The following TFDP1 variants were observed in gnomAD, a reference collection of about 807,000 sequenced individuals.
TFDP1 encodes the protein DRTF1-polypeptide 1.
A neutral mutation model predicts 48.0 loss-of-function variants in TFDP1; 6 were observed. The observed-to-expected ratio is 0.13, with a 90% CI of 0.07 to 0.25. The LOEUF is 0.25. Ranked by LOEUF, TFDP1 falls within the 10% of genes least tolerant of loss-of-function variation. TFDP1 has a pLI of 1.00. For synonymous variants in TFDP1, 201 were observed against 211.6 expected (o/e 0.95, Z 0.44); for missense variants, 335 against 543.0 (o/e 0.62, Z 3.81).
chr13:113,621,145 G>A (rs138258727), intron 3 of TFDP1, among the ~76,000 whole-genome samples: 12 of 152,376 alleles, frequency 7.9e-5, no homozygotes, highest in Admixed American at 6.5e-4. Flanking sequence ...TCATTTTGGT[G>A]CTAACTGGTG....
In TFDP1 at chr13:113,604,281, C is replaced by T. The variant is rs117603964; in HGVS notation, c.13-6715C>T. Among the ~76,000 whole-genome samples the T allele has an allele frequency of 9.9e-4, 150 of 152,190 alleles. 4 individuals carry two copies. The East Asian group carries it at 0.024, about 25-fold the overall frequency. On this transcript the variant is annotated intron_variant, in intron 2 of 11. Coordinates refer to ENST00000375370, the MANE Select transcript of TFDP1 (RefSeq NM_007111.5). The stretch of plus-strand genomic sequence containing the variant: ...AGGACCCACATGAGGGTCTTTCCTA[C>T]AGCTCCTTACATGCTCAAGCTGGTA...
At chr13:113,626,699 G>A (rs977823266) in intron 4 of TFDP1, among the ~76,000 whole-genome samples, 6 of 151,908 alleles carry the variant, frequency 3.9e-5, no homozygotes, top group East Asian at 1.9e-4. Flanking sequence ...CACGTCATAC[G>A]GCTTTTCAAC....
At chr13:113,586,366 T>C (rs929605186) in intron 2 of TFDP1, among the ~76,000 whole-genome samples, 4 of 152,222 alleles carry the variant, frequency 2.6e-5, no homozygotes, top group Non-Finnish European at 5.9e-5. Context: ...AAGGATGAGA[T>C]TTCCTGATTT....
At chr13:113,611,947 G>A (rs1321391558) in intron 3 of TFDP1, among the ~76,000 whole-genome samples, 2 of 152,214 alleles carry the variant, frequency 1.3e-5, no homozygotes. Flanking sequence ...CCAGGGAGGA[G>A]CCCAGAGGCC....
chr13:113,610,954 T>G lies in TFDP1; in HGVS notation c.13-42T>G, dbSNP rs370492978. 1.3e-5 allele frequency: 21 copies of G among 1,597,292 alleles called. No individual in the cohort carries two copies. The African/African-American group carries it at 2.5e-4, about 19-fold the overall frequency. On this transcript the variant is annotated intron_variant, in intron 2 of 11. Coordinates refer to ENST00000375370, the MANE Select transcript of TFDP1 (RefSeq NM_007111.5). ...TTAAACACCCCTAGTTTCGTAGCCC[T>G]TTTAGCTGTCATATTTATTATTGTT...
At position 113,611,042 on chromosome 13, in the gene TFDP1, A is replaced by G. The variant is rs772064296; in HGVS notation, c.59A>G (p.Gln20Arg). 8 of 1,614,080 alleles carry G rather than the reference A, an allele frequency of 5.0e-6. No homozygotes were observed. In the East Asian group the frequency reaches 1.1e-4, roughly 22 times the overall value. The change falls in exon 3 of 12, where the codon CAG (glutamine) becomes CGG (arginine). Residue 20 changes from glutamine (Q) to arginine (R), a missense_variant. Gln to Arg is a conservative substitution (Grantham distance 43, BLOSUM62 1). Transcript: ENST00000375370. ...GGAGAACTCAAGGTCTTCATAGACC[A>G]GAACCTTAGTCCCGGGAAAGGTAAG... is the stretch of plus-strand genomic sequence containing the variant. ...ANGELKVFIDQNLSPGKGVVS... is the reference protein window; with the variant it reads ...ANGELKVFIDRNLSPGKGVVS...
chr13:113,608,425 C>T (rs2048622411), intron 2 of TFDP1, among the ~76,000 whole-genome samples: 1 of 152,232 alleles, frequency 6.6e-6, no homozygotes, highest in Non-Finnish European at 1.5e-5. Flanking sequence ...AGAGCCCTGG[C>T]TGTGCAGGCG....
At chr13:113,609,916 C>T (rs760027282) in intron 2 of TFDP1, among the ~76,000 whole-genome samples, 1 of 152,246 alleles carries the variant, frequency 6.6e-6, no homozygotes, top group Non-Finnish European at 1.5e-5. Context: ...ACGCCACTCC[C>T]AGAGGCCGCC....
Position 113,585,863 on chromosome 13 carries a change from C to T in TFDP1, c.12+14C>T, listed in dbSNP as rs1447302683. On this transcript the variant is annotated intron_variant, in intron 2 of 11. Transcript: ENST00000375370. ...ATGGCAAAAGATGTAAGTATGTTTGCTTCATGCTGCACACGAATGTTTGCC... is the reference window on the plus strand; with the variant it reads ...ATGGCAAAAGATGTAAGTATGTTTGTTTCATGCTGCACACGAATGTTTGCC... 10 of 1,599,826 alleles carry T rather than the reference C, an allele frequency of 6.3e-6. No homozygotes were observed. Among genetic ancestry groups the T allele is most frequent in the Non-Finnish European group, 7.7e-6 (9 of 1,169,394 alleles).
chr13:113,616,453 T>C (rs1177892550), intron 3 of TFDP1, among the ~76,000 whole-genome samples: 2 of 152,196 alleles, frequency 1.3e-5, no homozygotes, highest in African/African-American at 4.8e-5. Context: ...AGATCATGGC[T>C]GTGTGCAGTG....
At chr13:113,586,878 G>A (rs1055978130) in intron 2 of TFDP1, among the ~76,000 whole-genome samples, 1 of 152,340 alleles carries the variant, frequency 6.6e-6, no homozygotes, top group South Asian at 2.1e-4. Flanking sequence ...GCTGTGCTGC[G>A]AGACTACTTT....
intron 2 of TFDP1, among the ~76,000 whole-genome samples, chr13:113,602,769 C>A (rs2048470934): frequency 6.6e-6 from 1 of 152,140 alleles, no homozygotes; most frequent in African/African-American, 2.4e-5. Context: ...GTCCCTCTCT[C>A]CAGCCCTGCC....
intron 3 of TFDP1, among the ~76,000 whole-genome samples, chr13:113,615,149 A>G (rs1326344335): frequency 6.6e-6 from 1 of 152,130 alleles, no homozygotes; most frequent in African/African-American, 2.4e-5. Context: ...AGGTTTGGCA[A>G]TACATCTTAC....
chr13:113,591,300 C>T (rs2048140014), intron 2 of TFDP1, among the ~76,000 whole-genome samples: 1 of 148,240 alleles, frequency 6.7e-6, no homozygotes, highest in Admixed American at 6.7e-5. Context: ...GAGATCACGC[C>T]ATTGCACTCC....
chr13:113,635,965 T>TAA lies in TFDP1; in HGVS notation c.688-11_688-10insAA. On this transcript the variant is annotated splice_polypyrimidine_tract_variant and intron_variant, in intron 8 of 11. Coordinates refer to ENST00000375370, the MANE Select transcript of TFDP1 (RefSeq NM_007111.5). ...CCGCCACGGGCCACCTGGCTCCTCT[T>TAA]ATTTTTTTTAGCAAATTGCCTTCAA... The TAA allele has an allele frequency of 6.2e-7, 1 of 1,612,354 alleles. No individual in the cohort carries two copies. Among genetic ancestry groups the TAA allele is most frequent in the South Asian group, 1.1e-5 (1 of 90,998 alleles).
At chr13:113,610,005 A>C (rs1384799458) in intron 2 of TFDP1, among the ~76,000 whole-genome samples, 1 of 152,228 alleles carries the variant, frequency 6.6e-6, no homozygotes, top group Non-Finnish European at 1.5e-5. Context: ...TGGGACTAGG[A>C]AGAGAATAAA....
At chr13:113,593,204 C>T (rs1358245716) in intron 2 of TFDP1, among the ~76,000 whole-genome samples, 8 of 136,210 alleles carry the variant, frequency 5.9e-5, no homozygotes, top group African/African-American at 2.0e-4. Flanking sequence ...GTGTGCTGAT[C>T]CTCAGCCCTG....
intron 2 of TFDP1, among the ~76,000 whole-genome samples, chr13:113,610,373 G>A (rs770893693): frequency 2.0e-5 from 3 of 151,840 alleles, no homozygotes; most frequent in Admixed American, 6.6e-5. Context: ...ACCATCACAC[G>A]TGTGACCCCG....
chr13:113,627,819 A>T lies in TFDP1; in HGVS notation c.187-3804A>T, dbSNP rs2140536832. ...TGAGGTGGGACAGTTTCTTCCCGAAACTACCCCCGACTCCGGTCTGTGGAA... is the reference window on the plus strand; with the variant it reads ...TGAGGTGGGACAGTTTCTTCCCGAATCTACCCCCGACTCCGGTCTGTGGAA... On this transcript the variant is annotated intron_variant, in intron 4 of 11. Coordinates refer to ENST00000375370, the MANE Select transcript of TFDP1 (RefSeq NM_007111.5). The surrounding 1 kb of genome is among the most constrained non-coding windows in gnomAD (Gnocchi z 4.1). Among the ~76,000 whole-genome samples, 1 of 152,212 alleles carries T rather than the reference A, an allele frequency of 6.6e-6. No homozygotes were observed. The highest frequency in any genetic ancestry group is 1.5e-5 in the Non-Finnish European group (1 of 68,008).
Sources: gnomAD v4.1 joint callset for allele counts (sites outside exome capture counted in the v4.1 genomes callset) on GRCh38, gnomAD v4.1.1 for gene constraint, Gnocchi (gnomAD v3.1) non-coding constraint, MANE v1.5 for transcripts, NCBI Gene and HGNC (gene_info 2026-07-23, HGNC 2026-07-21) for gene names.